The following DDX18 variants were observed in gnomAD, a reference collection of about 807,000 sequenced individuals.
DDX18 encodes the protein DEAD-box helicase 18.
Under a neutral mutation model 73.5 loss-of-function variants are expected in DDX18, and 23 were observed. The observed-to-expected ratio is 0.31, with a 90% CI of 0.23 to 0.44. The LOEUF is 0.44. Ranked by LOEUF, DDX18 falls within the 20% of genes least tolerant of loss-of-function variation. DDX18 has a pLI of 1.00. For synonymous variants in DDX18, 268 were observed against 282.7 expected, an observed-to-expected ratio of 0.95 and a Z score of 0.52; for missense variants, 753 against 792.9, an observed-to-expected ratio of 0.95 and a Z score of 0.60.
In DDX18 at chr2:117,817,553, A is replaced by T; in HGVS notation, c.195A>T (p.Leu65Phe). The T allele has an allele frequency of 1.2e-6, 2 of 1,614,050 alleles. No individual in the cohort carries two copies. Among genetic ancestry groups the T allele is most frequent in the Non-Finnish European group, 1.7e-6 (2 of 1,179,954 alleles). ...KSKQKPMNVG[L>F]SETQNGGMSQ... ...AACAAAAGCCCATGAATGTGGGCTTATCAGAAACTCAAAATGGAGGCATGT... is the reference window on the plus strand; with the variant it reads ...AACAAAAGCCCATGAATGTGGGCTTTTCAGAAACTCAAAATGGAGGCATGT... Residue 65 changes from leucine (L) to phenylalanine (F), a missense_variant, in exon 2 of 14, where the codon TTA (leucine) becomes TTT (phenylalanine). Around this residue, in one of 3 missense-constraint regions of DDX18, gnomAD observed 345 missense variants for 352.0 expected, o/e 0.98. Coordinates refer to ENST00000263239, the MANE Select transcript of DDX18 (RefSeq NM_006773.4).
rs1402887776 is a variant in DDX18, at chr2:117,829,481, A to G, written c.1870+15A>G. On this transcript the variant is annotated intron_variant, in intron 13 of 13. Transcript: ENST00000263239. Reference sequence around the variant, plus strand: ...CGTTGATCTGAGTATCCTTTTCTTTAATGAAGTTATCCTGTGACTAAGGAA... The same window carrying G: ...CGTTGATCTGAGTATCCTTTTCTTTGATGAAGTTATCCTGTGACTAAGGAA... 2 of 1,599,742 alleles carry G rather than the reference A, an allele frequency of 1.3e-6. No homozygotes were observed. Among genetic ancestry groups the G allele is most frequent in the Non-Finnish European group, 1.7e-6 (2 of 1,174,854 alleles).
rs1679896529 is a variant in DDX18, at chr2:117,824,688, A to G, written c.1186A>G (p.Thr396Ala). 1 of 1,480,710 alleles carries G rather than the reference A, an allele frequency of 6.8e-7. No individual in the cohort carries two copies. The highest frequency in any genetic ancestry group is 2.5e-5 in the Admixed American group (1 of 39,622). 91.7% of individuals were successfully genotyped at this position (1,480,710 alleles called of 1,614,324 possible). A position where few individuals can be genotyped will look rare whatever the true frequency, so the allele number is the denominator to read the frequency against. Residue 396 changes from threonine (T) to alanine (A), a missense_variant, in exon 8 of 14, where the codon ACA becomes GCA. Physicochemically the swap from Thr to Ala is moderately conservative, Grantham distance 58. This residue lies in a region of DDX18 where 402 missense variants were observed against 419.4 expected (regional missense o/e 0.96). Transcript: ENST00000263239. ...CGTTGATGATGATAAAGCGAATGCAACAGTGGATGGTCTTGAACAGGTACT... is the reference window on the plus strand; with the variant it reads ...CGTTGATGATGATAAAGCGAATGCAGCAGTGGATGGTCTTGAACAGGTACT... ...VGVDDDKANATVDGLEQGYVV... is the reference protein window; with the variant it reads ...VGVDDDKANAAVDGLEQGYVV...
At chr2:117,820,417 C>CCTAG (rs1679827273) in intron 3 of DDX18, among the ~76,000 whole-genome samples, 1 of 152,198 alleles carries the variant, frequency 6.6e-6, no homozygotes, top group South Asian at 2.1e-4. Flanking sequence ...CTCCTCTGTC[C>CCTAG]CTAGCCTACT....
chr2:117,831,081 T>C lies in DDX18; in HGVS notation c.*357T>C. On this transcript the variant is annotated 3_prime_UTR_variant, in exon 14 of 14. Transcript: ENST00000263239. ...TTGTTTTGCGAAGATTTTTGTGGCA[T>C]GGATTGCTGTGCTCACTGCTGTAAA... 4.5e-6 allele frequency: 1 copy of C among 221,480 alleles called. No homozygotes were observed. Among genetic ancestry groups the C allele is most frequent in the Non-Finnish European group, 8.8e-6 (1 of 113,912 alleles). 13.7% of individuals were successfully genotyped at this position (221,480 alleles called of 1,614,324 possible).
rs371988552 is a variant in DDX18 at position 117,824,664 on chromosome 2, G to A, written c.1162G>A (p.Val388Ile). Reference sequence around the variant, plus strand: ...GAAAAAGGAGCCATTGTATGTTGGCGTTGATGATGATAAAGCGAATGCAAC... The same window carrying A: ...GAAAAAGGAGCCATTGTATGTTGGCATTGATGATGATAAAGCGAATGCAAC... ...SLKKEPLYVGVDDDKANATVD... is the reference protein window; with the variant it reads ...SLKKEPLYVGIDDDKANATVD... The change falls in exon 8 of 14, where the codon GTT becomes ATT. Residue 388 changes from valine (V) to isoleucine (I), a missense_variant. By Grantham distance (29) the Val-to-Ile change is conservative (BLOSUM62 3). This residue lies in a region of DDX18 where 402 missense variants were observed against 419.4 expected (regional missense o/e 0.96). Transcript: ENST00000263239. 91 of 1,491,882 alleles carry A rather than the reference G, an allele frequency of 6.1e-5. No individual in the cohort carries two copies. Among genetic ancestry groups the A allele is most frequent in the Non-Finnish European group, 7.2e-5 (81 of 1,123,478 alleles). The allele number at this position is 1,491,882 out of a possible 1,614,324, so 92.4% of individuals were successfully genotyped here.
At position 117,825,035 on chromosome 2, in the gene DDX18, T is replaced by C. The variant is rs61732821; in HGVS notation, c.1302T>C (p.Ser434=). 946 of 1,614,130 alleles carry C rather than the reference T, an allele frequency of 5.9e-4. 6 individuals carry two copies. In the African/African-American group the frequency reaches 0.01, roughly 17 times the overall value. Residue 434 remains serine, a synonymous_variant, in exon 9 of 14, where the codon TCT becomes TCC. Coordinates refer to ENST00000263239, the MANE Select transcript of DDX18 (RefSeq NM_006773.4). The part of the protein sequence containing the change: ...RKKKLMVFFS[S]CMSVKYHYEL... ...AGAAGCTTATGGTCTTCTTTTCATC[T>C]TGTATGTCTGTGAAATACCACTATG...
Position 117,829,480 on chromosome 2 carries a change from T to C in DDX18, c.1870+14T>C. Reference sequence around the variant, plus strand: ...TCGTTGATCTGAGTATCCTTTTCTTTAATGAAGTTATCCTGTGACTAAGGA... The same window carrying C: ...TCGTTGATCTGAGTATCCTTTTCTTCAATGAAGTTATCCTGTGACTAAGGA... On this transcript the variant is annotated intron_variant, in intron 13 of 13. Coordinates refer to ENST00000263239, the MANE Select transcript of DDX18 (RefSeq NM_006773.4). 1 of 1,599,924 alleles carries C rather than the reference T, an allele frequency of 6.3e-7. No individual in the cohort carries two copies. Among genetic ancestry groups the C allele is most frequent in the Admixed American group, 1.8e-5 (1 of 56,458 alleles).
At chr2:117,827,453 C>T (rs1261471779) in intron 11 of DDX18, 1 of 152,008 alleles carries the variant, frequency 6.6e-6, no homozygotes, top group Non-Finnish European at 1.5e-5. Flanking sequence ...TCGTCATATA[C>T]GTTAGGTATA....
chr2:117,815,258 C>T (rs554659866), intron 1 of DDX18, among the ~76,000 whole-genome samples: 1 of 152,270 alleles, frequency 6.6e-6, no homozygotes, highest in African/African-American at 2.4e-5. Context: ...CCACTTTTCA[C>T]ATCTATTTAA....
intron 2 of DDX18, among the ~76,000 whole-genome samples, chr2:117,819,418 G>A (rs904146494): frequency 6.6e-6 from 1 of 152,160 alleles, no homozygotes; most frequent in African/African-American, 2.4e-5. Flanking sequence ...TGTTTATACT[G>A]TTTAGTTGAA....
In DDX18 at chr2:117,821,667, C is replaced by T. The variant is rs1679848976; in HGVS notation, c.668C>T (p.Ala223Val). The change falls in exon 5 of 14, where the codon GCA (alanine) becomes GTA (valine). Residue 223 changes from alanine to valine, a missense_variant. Around this residue, in one of 3 missense-constraint regions of DDX18, gnomAD observed 345 missense variants for 352.0 expected, o/e 0.98. Transcript: ENST00000263239. ...LLEGRDLLAA[A>V]KTGSGKTLAF... ...ATATTTAGGGATCTTCTAGCAGCTG[C>T]AAAAACAGGCAGTGGTAAAACCCTG... 33 of 1,613,812 alleles carry T rather than the reference C, an allele frequency of 2.0e-5. No individual in the cohort carries two copies. Among genetic ancestry groups the T allele is most frequent in the Non-Finnish European group, 2.7e-5 (32 of 1,179,904 alleles).
chr2:117,822,384 A>G lies in DDX18; in HGVS notation c.1066+123A>G, dbSNP rs1679860040. On this transcript the variant is annotated intron_variant, in intron 7 of 13. Transcript: ENST00000263239. ...CATAGCCAAGTGAGGTAGTTGTGCC[A>G]ATTAACCCGAAAGGTAATTTGGAAT... The G allele has an allele frequency of 1.0e-5, 7 of 676,756 alleles. No homozygotes were observed. In the East Asian group the frequency reaches 1.9e-4, roughly 18 times the overall value. 41.9% of individuals were successfully genotyped at this position (676,756 alleles called of 1,614,324 possible). A position where few individuals can be genotyped will look rare whatever the true frequency, so the allele number is the denominator to read the frequency against.
chr2:117,821,694 C>T lies in DDX18; in HGVS notation c.695C>T (p.Ala232Val), dbSNP rs1488142924. 1.9e-6 allele frequency: 3 copies of T among 1,613,900 alleles called. No homozygotes were observed. The African/African-American group carries it at 4.0e-5, about 22-fold the overall frequency. The change falls in exon 5 of 14, where the codon GCT (alanine) becomes GTT (valine). Residue 232 changes from alanine (A) to valine (V), a missense_variant. Ala to Val is a moderately conservative substitution (Grantham distance 64). This residue lies in a region of DDX18 where 345 missense variants were observed against 352.0 expected (regional missense o/e 0.98). Transcript: ENST00000263239. ...AAKTGSGKTLAFLIPAVELIV... is the reference protein window; with the variant it reads ...AAKTGSGKTLVFLIPAVELIV... ...AAAACAGGCAGTGGTAAAACCCTGG[C>T]TTTTCTCATCCCTGCAGTTGAACTC...
intron 13 of DDX18, among the ~76,000 whole-genome samples, chr2:117,829,950 T>C (rs1679994032): frequency 6.6e-6 from 1 of 152,122 alleles, no homozygotes; most frequent in South Asian, 2.1e-4. Flanking sequence ...AAATAAAACT[T>C]AGGTGTTGCT....
chr2:117,826,611 C>G (rs1234508263), intron 11 of DDX18: 8 of 544,468 alleles, frequency 1.5e-5, no homozygotes, highest in Non-Finnish European at 2.6e-5. Flanking sequence ...ACCTCTGTGT[C>G]CCAGCCTCTC....
chr2:117,825,218 C>G lies in DDX18; in HGVS notation c.1368+117C>G, dbSNP rs1679904895. Reference sequence around the variant, plus strand: ...ATTGTTCTGAGTAGTTTGATCACCACTAGATGATGGATCCTGTGTGGGGGA... The same window carrying G: ...ATTGTTCTGAGTAGTTTGATCACCAGTAGATGATGGATCCTGTGTGGGGGA... On this transcript the variant is annotated intron_variant, in intron 9 of 13. Transcript: ENST00000263239. 8.8e-6 allele frequency: 12 copies of G among 1,356,250 alleles called. No homozygotes were observed. The South Asian group carries it at 1.5e-4, about 17-fold the overall frequency. 84.0% of individuals were successfully genotyped at this position (1,356,250 alleles called of 1,614,324 possible). A position where few individuals can be genotyped will look rare whatever the true frequency, so the allele number is the denominator to read the frequency against.
rs915739461 is a variant in DDX18 at position 117,821,997 on chromosome 2, A to C, written c.887A>C (p.Gln296Pro). ...MGGSNRSAEA[Q>P]KLGNGINIIV... ...GGCAGTAACAGATCTGCTGAAGCAC[A>C]GAAACTTGGTAATGGGATCAACATC... Residue 296 changes from glutamine (Q) to proline (P), a missense_variant, in exon 6 of 14, where the codon CAG becomes CCG. Around this residue, in one of 3 missense-constraint regions of DDX18, gnomAD observed 345 missense variants for 352.0 expected, o/e 0.98. Coordinates refer to ENST00000263239, the MANE Select transcript of DDX18 (RefSeq NM_006773.4). 6.2e-7 allele frequency: 1 copy of C among 1,613,998 alleles called. No individual in the cohort carries two copies. Among genetic ancestry groups the C allele is most frequent in the Non-Finnish European group, 8.5e-7 (1 of 1,179,976 alleles).
intron 11 of DDX18, 82 bp downstream of exon 11, chr2:117,826,464 C>A: frequency 7.6e-7 from 1 of 1,313,892 alleles, no homozygotes; most frequent in Non-Finnish European, 1.1e-6. Flanking sequence ...TCAGAGGAGT[C>A]TCGAGTCTGG....
In DDX18 at chr2:117,831,003, TCATA is replaced by T; in HGVS notation, c.*282_*285del. On this transcript the variant is annotated 3_prime_UTR_variant, in exon 14 of 14. Coordinates refer to ENST00000263239, the MANE Select transcript of DDX18 (RefSeq NM_006773.4). The stretch of plus-strand genomic sequence containing the variant: ...TATTTTAATTTTAAATATCCCTCCC[TCATA>T]CAAGTGTATGTTACCATTTTAATAT... 2.7e-6 allele frequency: 1 copy of T among 365,776 alleles called. No homozygotes were observed. Among genetic ancestry groups the T allele is most frequent in the Non-Finnish European group, 4.9e-6 (1 of 204,404 alleles). The allele number at this position is 365,776 out of a possible 1,614,324, so 22.7% of individuals were successfully genotyped here. A position where few individuals can be genotyped will look rare whatever the true frequency, so the allele number is the denominator to read the frequency against.
Sources: gnomAD v4.1 joint callset for allele counts (sites outside exome capture counted in the v4.1 genomes callset) on GRCh38, gnomAD v4.1.1 for gene constraint, gnomAD v4.1.1 regional missense constraint, MANE v1.5 for transcripts, NCBI Gene and HGNC (gene_info 2026-07-23, HGNC 2026-07-21) for gene names.